NDST4: variants seen among roughly 807,000 people sequenced by gnomAD.
NDST4 encodes the protein N-heparan sulfate sulfotransferase 4.
In NDST4, 63 loss-of-function variants were observed where a neutral mutation model predicts 100.8. That is an observed-to-expected ratio of 0.62 (90% confidence interval 0.51 to 0.77). The LOEUF (loss-of-function observed/expected upper bound fraction) is 0.77. Ranked by LOEUF, NDST4 falls within the 30% of genes least tolerant of loss-of-function variation. The pLI is 0.00. For missense variants in NDST4, 943 were observed against 1,018.4 expected, an observed-to-expected ratio of 0.93 and a Z score of 1.01; for synonymous variants, 377 against 361.8, an observed-to-expected ratio of 1.04 and a Z score of -0.48.
chr4:114,845,685 A>AT, intron 10 of NDST4, 138 bp downstream of exon 10: 2 of 674,954 alleles, frequency 3.0e-6, no homozygotes, highest in South Asian at 3.1e-5. Flanking sequence ...TATTTCTCAT[A>AT]TTTTTTGGTG....
intron 2 of NDST4, among the ~76,000 whole-genome samples, chr4:114,978,853 G>T (rs1726702064): frequency 6.6e-6 from 1 of 151,868 alleles, no homozygotes; most frequent in Non-Finnish European, 1.5e-5. Context: ...TCATTATTCT[G>T]CATTTATTTA....
At chr4:114,935,823 T>C (rs929511095) in intron 5 of NDST4, among the ~76,000 whole-genome samples, 1 of 152,208 alleles carries the variant, frequency 6.6e-6, no homozygotes, top group Non-Finnish European at 1.5e-5. Context: ...TTTTATGATA[T>C]ACTAGTCAAA....
chr4:114,969,678 G>A (rs1356699070), intron 4 of NDST4, among the ~76,000 whole-genome samples: 3 of 152,150 alleles, frequency 2.0e-5, no homozygotes, highest in African/African-American at 7.2e-5. Flanking sequence ...AGTGTTCCAT[G>A]GTGTATATAT....
chr4:114,861,365 T>A (rs768885871), intron 7 of NDST4, among the ~76,000 whole-genome samples: 2 of 152,240 alleles, frequency 1.3e-5, no homozygotes, highest in African/African-American at 2.4e-5. Context: ...CAGCATTATA[T>A]GTTATTTAAA....
At chr4:115,015,318 G>C (rs2126262490) in intron 2 of NDST4, among the ~76,000 whole-genome samples, 1 of 152,152 alleles carries the variant, frequency 6.6e-6, no homozygotes, top group South Asian at 2.1e-4. Flanking sequence ...GGCAAGACCT[G>C]GTAAAATTCA....
intron 2 of NDST4, among the ~76,000 whole-genome samples, chr4:115,041,326 T>C (rs545003857): frequency 3.3e-5 from 5 of 152,232 alleles, no homozygotes; most frequent in Admixed American, 1.3e-4. Flanking sequence ...ACAACTTATT[T>C]AACAAAAGAC....
At chr4:114,929,074 G>GTCCATCCATCCATCCA (rs1295994273) in intron 6 of NDST4, among the ~76,000 whole-genome samples, 35 of 120,624 alleles carry the variant, frequency 2.9e-4, no homozygotes, top group East Asian at 1.7e-3. Flanking sequence ...CCGTCCGTCC[G>GTCCATCCATCCATCCA]TCCATCCATC....
intron 2 of NDST4, among the ~76,000 whole-genome samples, chr4:115,062,003 G>A (rs933467687): frequency 2.0e-5 from 3 of 151,672 alleles, no homozygotes; most frequent in African/African-American, 4.8e-5. Flanking sequence ...AGGAATGAAC[G>A]CACAAAGGAA....
Position 115,070,685 on chromosome 4 carries a change from T to C in NDST4, c.978+5374A>G, listed in dbSNP as rs149806286. The stretch of plus-strand genomic sequence containing the variant: ...TTGATTTTTATCTCAGTAGCATTGG[T>C]TGGAGAAGAGAATGATAAAATGAGA... On this transcript the variant is annotated intron_variant, in intron 2 of 13. Transcript: ENST00000264363. 2.5e-3 allele frequency among the ~76,000 whole-genome samples: 387 copies of C among 152,234 alleles called. 4 individuals are homozygous for C. Among genetic ancestry groups the C allele is most frequent in the African/African-American group, 8.4e-3 (348 of 41,540 alleles).
chr4:114,866,186 C>T (rs1257003787), intron 7 of NDST4, among the ~76,000 whole-genome samples: 5 of 152,206 alleles, frequency 3.3e-5, no homozygotes, highest in Non-Finnish European at 7.3e-5. Flanking sequence ...TCGTTATTCT[C>T]AGTCTCACTC....
At chr4:115,091,012 T>C (rs1384561668) in intron 1 of NDST4, among the ~76,000 whole-genome samples, 2 of 152,144 alleles carry the variant, frequency 1.3e-5, no homozygotes, top group Non-Finnish European at 2.9e-5. Context: ...TTTGTTACTG[T>C]TGTGCACAAA....
At chr4:115,038,052 G>A (rs1728270565) in intron 2 of NDST4, among the ~76,000 whole-genome samples, 3 of 152,156 alleles carry the variant, frequency 2.0e-5, no homozygotes, top group Admixed American at 6.6e-5. Flanking sequence ...AGAATACACT[G>A]TGCATTTTGT....
At chr4:114,858,148 G>T (rs1051101291) in intron 7 of NDST4, among the ~76,000 whole-genome samples, 1 of 152,150 alleles carries the variant, frequency 6.6e-6, no homozygotes, top group Non-Finnish European at 1.5e-5. Context: ...CTGAATATCT[G>T]ACCTGACAGT....
At chr4:114,945,295 C>T (rs188862109) in intron 4 of NDST4, among the ~76,000 whole-genome samples, 47 of 144,250 alleles carry the variant, frequency 3.3e-4, no homozygotes, top group Non-Finnish European at 6.0e-4. Flanking sequence ...CAGGATTTTA[C>T]ACAAATCGCT....
At chr4:115,022,781 G>A (rs1403021337) in intron 2 of NDST4, among the ~76,000 whole-genome samples, 1 of 152,108 alleles carries the variant, frequency 6.6e-6, no homozygotes, top group African/African-American at 2.4e-5. Context: ...TCGTGAATGA[G>A]TGCCACAAGA....
chr4:115,011,136 T>C (rs1207638879), intron 2 of NDST4, among the ~76,000 whole-genome samples: 1 of 152,050 alleles, frequency 6.6e-6, no homozygotes, highest in Non-Finnish European at 1.5e-5. Flanking sequence ...ATTCATGCTA[T>C]GTACATGCAG....
At position 115,077,125 on chromosome 4, in the gene NDST4, T is replaced by C; in HGVS notation, c.-89A>G. ...AAGTATGAGATGTTGCAAATATCACTTCCCCAGAGTTCATGTAACCATCGC... is the reference window on the plus strand; with the variant it reads ...AAGTATGAGATGTTGCAAATATCACCTCCCCAGAGTTCATGTAACCATCGC... On this transcript the variant is annotated 5_prime_UTR_variant, in exon 2 of 14. Coordinates refer to ENST00000264363, the MANE Select transcript of NDST4 (RefSeq NM_022569.3). 1 of 1,197,572 alleles carries C rather than the reference T, an allele frequency of 8.4e-7. No homozygotes were observed. The highest frequency in any genetic ancestry group is 1.1e-6 in the Non-Finnish European group (1 of 872,104). 74.2% of individuals were successfully genotyped at this position (1,197,572 alleles called of 1,614,324 possible). A position where few individuals can be genotyped will look rare whatever the true frequency, so the allele number is the denominator to read the frequency against.
At chr4:114,854,476 C>CT (rs542428381) in intron 7 of NDST4, among the ~76,000 whole-genome samples, 18 of 151,302 alleles carry the variant, frequency 1.2e-4, no homozygotes, top group East Asian at 9.8e-4. Flanking sequence ...GATTTCCTTT[C>CT]TTTTTTTTTG....
Position 114,830,030 on chromosome 4 carries a change from C to T in NDST4, c.2397-138G>A. 4 of 654,574 alleles carry T rather than the reference C, an allele frequency of 6.1e-6. No individual in the cohort carries two copies. In the South Asian group the frequency reaches 7.6e-5, roughly 12 times the overall value. 40.5% of individuals were successfully genotyped at this position (654,574 alleles called of 1,614,324 possible). A position where few individuals can be genotyped will look rare whatever the true frequency, so the allele number is the denominator to read the frequency against. ...TTCATTTTTACAGATATTTATTTAGCTGATTTGAGAGAGGCTAACTGAGAT... is the reference window on the plus strand; with the variant it reads ...TTCATTTTTACAGATATTTATTTAGTTGATTTGAGAGAGGCTAACTGAGAT... On this transcript the variant is annotated intron_variant, in intron 12 of 13. Transcript: ENST00000264363.
Sources: allele counts gnomAD v4.1 joint callset (sites outside exome capture counted in the v4.1 genomes callset), GRCh38; gene constraint gnomAD v4.1.1; transcripts MANE v1.5; gene names NCBI Gene and HGNC (gene_info 2026-07-23, HGNC 2026-07-21).